SLC4A10: variants seen among roughly 807,000 people sequenced by gnomAD.
SLC4A10 encodes the protein solute carrier family 4 member 10.
In SLC4A10, 42 loss-of-function variants were observed where a neutral mutation model predicts 137.7. The ratio of observed to expected loss-of-function variants is 0.30; its 90% CI spans 0.24 to 0.39. The LOEUF is 0.39. Among genes scored for constraint, SLC4A10 ranks in the 10% least tolerant of loss-of-function variants. The probability of loss-of-function intolerance (pLI) is 1.00; values close to 1 mark genes in which losing one functional copy is unlikely to be tolerated. For synonymous variants in SLC4A10, 474 were observed against 464.1 expected (o/e 1.02, Z -0.27); for missense variants, 925 against 1,355.0 (o/e 0.68, Z 4.98).
At chr2:161,806,014 C>T (rs1468020665) in intron 3 of SLC4A10, among the ~76,000 whole-genome samples, 3 of 152,220 alleles carry the variant, frequency 2.0e-5, no homozygotes, top group African/African-American at 7.2e-5. Flanking sequence ...CATACATCCT[C>T]TGAAATCTAG....
chr2:161,822,542 G>A (rs1052003259), intron 3 of SLC4A10, among the ~76,000 whole-genome samples: 3 of 152,132 alleles, frequency 2.0e-5, no homozygotes, highest in Non-Finnish European at 4.4e-5. Flanking sequence ...AGACCAACTA[G>A]TCTGAGAGAT....
At chr2:161,913,919 A>G (rs1686478139) in intron 15 of SLC4A10, among the ~76,000 whole-genome samples, 1 of 152,194 alleles carries the variant, frequency 6.6e-6, no homozygotes, top group African/African-American at 2.4e-5. Context: ...ATTCTTGTTC[A>G]TGTAAAATGT....
At chr2:161,637,596 G>A (rs904936804) in intron 1 of SLC4A10, among the ~76,000 whole-genome samples, 3 of 152,022 alleles carry the variant, frequency 2.0e-5, no homozygotes, top group Non-Finnish European at 4.4e-5. Context: ...TGTAAACATG[G>A]GAGTACAAAT....
intron 1 of SLC4A10, among the ~76,000 whole-genome samples, chr2:161,635,097 G>A (rs753508255): frequency 6.6e-6 from 1 of 151,938 alleles, no homozygotes; most frequent in Admixed American, 6.6e-5. Context: ...AAGGGTCTTG[G>A]GAATTTAACC....
intron 3 of SLC4A10, among the ~76,000 whole-genome samples, chr2:161,824,536 A>G (rs1178638077): frequency 6.6e-6 from 1 of 152,236 alleles, no homozygotes; most frequent in Admixed American, 6.5e-5. Context: ...GAGAAACTCA[A>G]CAGCAAACAG....
intron 1 of SLC4A10, among the ~76,000 whole-genome samples, chr2:161,752,556 G>A (rs1489685776): frequency 6.6e-6 from 1 of 151,968 alleles, no homozygotes; most frequent in African/African-American, 2.4e-5. Context: ...ATAATTCTAT[G>A]CTCATTGCAT....
chr2:161,877,602 C>G (rs958276397), intron 8 of SLC4A10, among the ~76,000 whole-genome samples: 4 of 151,886 alleles, frequency 2.6e-5, no homozygotes, highest in African/African-American at 7.2e-5. Flanking sequence ...TGAAATTTAA[C>G]CTTACTTATT....
intron 1 of SLC4A10, among the ~76,000 whole-genome samples, chr2:161,723,770 A>C (rs1182170637): frequency 6.6e-6 from 1 of 152,196 alleles, no homozygotes; most frequent in Non-Finnish European, 1.5e-5. Flanking sequence ...GATAGAACCC[A>C]GGCTTGAATA....
chr2:161,786,750 A>G (rs1005866723), intron 2 of SLC4A10, among the ~76,000 whole-genome samples: 2 of 151,252 alleles, frequency 1.3e-5, no homozygotes, highest in Non-Finnish European at 3.0e-5. Flanking sequence ...TTGTACTTAT[A>G]TGAGCTTTTA....
intron 3 of SLC4A10, among the ~76,000 whole-genome samples, chr2:161,826,838 G>A (rs1433650823): frequency 6.6e-6 from 1 of 152,094 alleles, no homozygotes; most frequent in East Asian, 1.9e-4. Flanking sequence ...GAATTCCAGT[G>A]CTATTGAAAA....
intron 1 of SLC4A10, among the ~76,000 whole-genome samples, chr2:161,645,681 T>G (rs6759390): frequency 0.88 from 133,048 of 152,012 alleles, 58,766 homozygotes; most frequent in East Asian, 1. Flanking sequence ...ATATTTTCAA[T>G]AAGCTAAGAC....
At chr2:161,826,057 A>G (rs2058002295) in intron 3 of SLC4A10, among the ~76,000 whole-genome samples, 1 of 152,224 alleles carries the variant, frequency 6.6e-6, no homozygotes, top group Non-Finnish European at 1.5e-5. Context: ...ATATTATATT[A>G]TTTCAATTAT....
intron 2 of SLC4A10, among the ~76,000 whole-genome samples, chr2:161,781,457 G>A (rs958041197): frequency 2.0e-5 from 3 of 152,054 alleles, no homozygotes; most frequent in Non-Finnish European, 4.4e-5. Flanking sequence ...CTTGGGTTTC[G>A]AGATGAATGT....
chr2:161,812,681 C>T (rs188708375), intron 3 of SLC4A10, among the ~76,000 whole-genome samples: 18 of 152,220 alleles, frequency 1.2e-4, no homozygotes, highest in African/African-American at 4.3e-4. Context: ...ATTCATGTTA[C>T]TGCAAAAGGA....
chr2:161,770,849 C>A, intron 1 of SLC4A10, 124 bp from the exon 2 acceptor site: 1 of 625,154 alleles, frequency 1.6e-6, no homozygotes, highest in Non-Finnish European at 2.8e-6. Flanking sequence ...ATAGACTACT[C>A]ATGAACAACT....
chr2:161,937,331 G>GC (rs1160128016), intron 15 of SLC4A10, among the ~76,000 whole-genome samples: 2 of 152,110 alleles, frequency 1.3e-5, no homozygotes, highest in East Asian at 3.9e-4. Context: ...TACTTACCAG[G>GC]CCCCCCAGCA....
intron 24 of SLC4A10, among the ~76,000 whole-genome samples, chr2:161,975,905 G>A (rs1368869167): frequency 6.6e-6 from 1 of 152,216 alleles, no homozygotes; most frequent in East Asian, 1.9e-4. Flanking sequence ...GTGGCAGGAG[G>A]TGAAATCAGA....
intron 1 of SLC4A10, among the ~76,000 whole-genome samples, chr2:161,731,729 G>GT (rs201949517): frequency 1.3e-5 from 2 of 152,078 alleles, no homozygotes; most frequent in East Asian, 3.9e-4. Context: ...TATAATCTCT[G>GT]TTTTTTGATG....
chr2:161,896,859 A>G (rs935204708), intron 11 of SLC4A10, among the ~76,000 whole-genome samples: 2 of 152,134 alleles, frequency 1.3e-5, no homozygotes, highest in Non-Finnish European at 2.9e-5. Context: ...GAAAGATTTT[A>G]GCCCCTACTT....
Sources: gnomAD v4.1 joint callset for allele counts (sites outside exome capture counted in the v4.1 genomes callset) on GRCh38, gnomAD v4.1.1 for gene constraint, MANE v1.5 for transcripts, NCBI Gene and HGNC (gene_info 2026-07-23, HGNC 2026-07-21) for gene names.